Variants in ADGRV1 observed in about 807,000 individuals in gnomAD.
ADGRV1 encodes G-protein coupled receptor 98.
Under a neutral mutation model 596.2 loss-of-function variants are expected in ADGRV1, and 359 were observed. The ratio of observed to expected loss-of-function variants is 0.60; its 90% confidence interval spans 0.55 to 0.66. The LOEUF (loss-of-function observed/expected upper bound fraction) is 0.66. Among genes scored for constraint, ADGRV1 ranks in the 30% least tolerant of loss-of-function variants. The pLI is 0.00. For synonymous variants in ADGRV1, 2,681 were observed against 2,679.2 expected (o/e 1.00, Z -0.02); for missense variants, 7,274 against 7,575.6 (o/e 0.96, Z 1.48).
At chr5:90,980,522 G>T (rs1383821348) in intron 84 of ADGRV1, among the ~76,000 whole-genome samples, 1 of 152,198 alleles carries the variant, frequency 6.6e-6, no homozygotes, top group Non-Finnish European at 1.5e-5. Context: ...CATTGTGAGG[G>T]TGGGTGGTCT....
intron 79 of ADGRV1, among the ~76,000 whole-genome samples, chr5:90,850,398 T>C (rs1210821794): frequency 1.3e-5 from 2 of 152,194 alleles, no homozygotes; most frequent in African/African-American, 4.8e-5. Flanking sequence ...CTCCTAAATG[T>C]CCATCTGAGA....
At chr5:91,094,662 T>C (rs1790696142) in intron 86 of ADGRV1, among the ~76,000 whole-genome samples, 1 of 152,114 alleles carries the variant, frequency 6.6e-6, no homozygotes, top group Admixed American at 6.5e-5. Flanking sequence ...ATATGTTGAC[T>C]AATTTGATGC....
intron 1 of ADGRV1, among the ~76,000 whole-genome samples, chr5:90,571,891 T>G (rs1451261753): frequency 6.6e-6 from 1 of 152,190 alleles, no homozygotes. Context: ...GCTGTATTTC[T>G]TTAATAAATG....
rs558958506 is a variant in ADGRV1, at chr5:90,634,998, C to T, written c.1840-116C>T. ...ATGAGAGAGGAGGAGAATAACATTG[C>T]GAAGTTATTGGTGACCTCTACCTAC... On this transcript the variant is annotated intron_variant, in intron 9 of 89. Transcript: ENST00000405460. 2.6e-5 allele frequency: 16 copies of T among 614,904 alleles called. No individual in the cohort carries two copies. The East Asian group carries it at 3.3e-4, about 13-fold the overall frequency. The allele number at this position is 614,904 out of a possible 1,614,324, so 38.1% of individuals were successfully genotyped here.
chr5:90,903,334 A>G (rs1424710923), intron 83 of ADGRV1, among the ~76,000 whole-genome samples: 2 of 152,092 alleles, frequency 1.3e-5, no homozygotes, highest in African/African-American at 4.8e-5. Flanking sequence ...AGATGGAGAT[A>G]AATTTCTGAT....
intron 1 of ADGRV1, among the ~76,000 whole-genome samples, chr5:90,605,369 CGCG>C (rs1233288431): frequency 7.3e-5 from 11 of 150,122 alleles, no homozygotes; most frequent in African/African-American, 2.7e-4. Flanking sequence ...GAGCCAAGAT[CGCG>C]CCACTGCACT....
intron 87 of ADGRV1, among the ~76,000 whole-genome samples, chr5:91,134,538 C>CAT (rs1206680109): frequency 1.3e-5 from 2 of 152,150 alleles, no homozygotes; most frequent in East Asian, 3.8e-4. Context: ...ATTGACAAAT[C>CAT]ATATAAAGGA....
chr5:91,086,138 T>C (rs534664340), intron 86 of ADGRV1, among the ~76,000 whole-genome samples: 2 of 152,322 alleles, frequency 1.3e-5, no homozygotes, highest in East Asian at 3.9e-4. Flanking sequence ...CATAGCCCTT[T>C]CTTCTTATGC....
At chr5:90,953,588 G>T (rs1777225953) in intron 83 of ADGRV1, among the ~76,000 whole-genome samples, 2 of 151,928 alleles carry the variant, frequency 1.3e-5, no homozygotes, top group Non-Finnish European at 2.9e-5. Flanking sequence ...AGATAATGAA[G>T]ACTCTTAACA....
At chr5:90,696,121 C>T (rs1374886623) in intron 33 of ADGRV1, among the ~76,000 whole-genome samples, 1 of 152,092 alleles carries the variant, frequency 6.6e-6, no homozygotes, top group East Asian at 1.9e-4. Context: ...ATTTAATCTC[C>T]TTTCTCCTTT....
At chr5:90,961,507 A>AAAAG (rs1554178779) in intron 83 of ADGRV1, among the ~76,000 whole-genome samples, 5 of 82,048 alleles carry the variant, frequency 6.1e-5, no homozygotes, top group Non-Finnish European at 8.9e-5. Context: ...AAAAAAAAAA[A>AAAAG]GGGGGGGTGG....
intron 85 of ADGRV1, among the ~76,000 whole-genome samples, chr5:91,064,697 G>C (rs948352377): frequency 3.3e-5 from 5 of 152,120 alleles, no homozygotes; most frequent in Admixed American, 2.6e-4. Context: ...GAAAATTGCT[G>C]TATGCTCTAC....
rs375866594 is a variant in ADGRV1, at chr5:90,564,868, C to T, written c.22+5951C>T. ...GTCTCGATCTCCTGACCTCGTGATCCGCCCGCCTCGGCCTCCCAAAGTGCT... is the reference window on the plus strand; with the variant it reads ...GTCTCGATCTCCTGACCTCGTGATCTGCCCGCCTCGGCCTCCCAAAGTGCT... On this transcript the variant is annotated intron_variant, in intron 1 of 89. Coordinates refer to ENST00000405460, the MANE Select transcript of ADGRV1 (RefSeq NM_032119.4). Among the ~76,000 whole-genome samples, 4 of 26,626 alleles carry T rather than the reference C, an allele frequency of 1.5e-4. 1 individual carries two copies. The highest frequency in any genetic ancestry group is 2.9e-4 in the Non-Finnish European group (4 of 13,634). The allele number at this position is 26,626 out of a possible 152,430, so 17.5% of individuals were successfully genotyped here.
At chr5:91,014,140 A>ACACACACACACACG (rs1562090869) in intron 85 of ADGRV1, among the ~76,000 whole-genome samples, 2 of 136,618 alleles carry the variant, frequency 1.5e-5, no homozygotes, top group Non-Finnish European at 3.2e-5. Context: ...CAATTGCCAC[A>ACACACACACACACG]CACACACACA....
At chr5:90,603,526 C>T (rs73179752) in intron 1 of ADGRV1, among the ~76,000 whole-genome samples, 6,042 of 152,238 alleles carry the variant, frequency 0.04, 348 homozygotes, top group African/African-American at 0.13. Flanking sequence ...ATTCCCTCCC[C>T]TGGGCCTCAT....
At chr5:91,052,296 TAAA>T (rs562888315) in intron 85 of ADGRV1, among the ~76,000 whole-genome samples, 2 of 137,704 alleles carry the variant, frequency 1.5e-5, no homozygotes, top group South Asian at 4.5e-4. Flanking sequence ...ACATTTCTTC[TAAA>T]AAAAAAAAAA....
intron 83 of ADGRV1, among the ~76,000 whole-genome samples, chr5:90,961,931 G>T (rs1778069209): frequency 6.6e-6 from 1 of 152,138 alleles, no homozygotes; most frequent in African/African-American, 2.4e-5. Flanking sequence ...ATGAGCCTGT[G>T]GTGGGCCATG....
chr5:91,122,318 C>A (rs1793390005), intron 87 of ADGRV1, among the ~76,000 whole-genome samples: 2 of 152,142 alleles, frequency 1.3e-5, no homozygotes, highest in African/African-American at 2.4e-5. Context: ...AAATATAATT[C>A]TTTTAACGAA....
intron 83 of ADGRV1, among the ~76,000 whole-genome samples, chr5:90,916,934 A>T (rs1046904970): frequency 3.3e-5 from 5 of 152,204 alleles, no homozygotes; most frequent in Non-Finnish European, 5.9e-5. Context: ...GCCCTGCCAC[A>T]AATTTTTAAT....
Sources: allele counts gnomAD v4.1 joint callset (sites outside exome capture counted in the v4.1 genomes callset), GRCh38; gene constraint gnomAD v4.1.1; transcripts MANE v1.5; gene names NCBI Gene and HGNC (gene_info 2026-07-23, HGNC 2026-07-21).